Variants in SELENOO observed in about 807,000 individuals in gnomAD.
The protein encoded by SELENOO is protein adenylyltransferase SelO, mitochondrial.
A neutral mutation model predicts 58.7 loss-of-function variants in SELENOO; 74 were observed. The observed-to-expected ratio is 1.26, with a 90% CI of 1.04 to 1.53. The LOEUF is 1.53. Among genes scored for constraint, SELENOO ranks in the 40% most tolerant of loss-of-function variants. SELENOO has a pLI of 0.00. For missense variants in SELENOO, 1,149 were observed against 970.0 expected, an observed-to-expected ratio of 1.18 and a Z score of -2.45; for synonymous variants, 543 against 453.2, an observed-to-expected ratio of 1.20 and a Z score of -2.52.
At chr22:50,214,186 G>C (rs1226083771) in intron 5 of SELENOO, among the ~76,000 whole-genome samples, 6 of 152,154 alleles carry the variant, frequency 3.9e-5, no homozygotes, top group African/African-American at 1.4e-4. Context: ...TTGTTGCCCA[G>C]GCTGGAGTGC....
At chr22:50,207,959 C>T (rs2064343232) in intron 2 of SELENOO, among the ~76,000 whole-genome samples, 1 of 148,774 alleles carries the variant, frequency 6.7e-6, no homozygotes, top group Non-Finnish European at 1.5e-5. Context: ...GTGGTTTCTA[C>T]ACCCATGGGC....
In SELENOO at chr22:50,201,518, G is replaced by A; in HGVS notation, c.482G>A (p.Gly161Asp). ...GGCGACGGCGCCGCCATGTACCTGG[G>A]CGAGGTGTGCACGGCGACCGGCGAG... ...QLGDGAAMYL[G>D]EVCTATGERW... is the part of the protein sequence containing the mutation. Residue 161 changes from glycine to aspartate, a missense_variant, in exon 1 of 9, where the codon GGC (glycine) becomes GAC (aspartate). By Grantham distance (94) the Gly-to-Asp change is moderately conservative (BLOSUM62 -1). Coordinates refer to ENST00000380903, the MANE Select transcript of SELENOO (RefSeq NM_031454.2). The A allele has an allele frequency of 7.0e-7, 1 of 1,426,680 alleles. No homozygotes were observed. The highest frequency in any genetic ancestry group is 1.4e-5 in the South Asian group (1 of 73,236). 88.4% of individuals were successfully genotyped at this position (1,426,680 alleles called of 1,614,324 possible). A position where few individuals can be genotyped will look rare whatever the true frequency, so the allele number is the denominator to read the frequency against.
chr22:50,210,551 G>C, intron 4 of SELENOO, 80 bp from the exon 5 acceptor site: 1 of 1,592,054 alleles, frequency 6.3e-7, no homozygotes, highest in South Asian at 1.1e-5. Flanking sequence ...CTTCCCCTGG[G>C]CCTCCCCTCC....
At chr22:50,213,874 G>A (rs1003120498) in intron 5 of SELENOO, among the ~76,000 whole-genome samples, 14 of 151,804 alleles carry the variant, frequency 9.2e-5, no homozygotes, top group East Asian at 3.9e-4. Context: ...GGTCTTGATC[G>A]CCTGACCTCG....
intron 2 of SELENOO, among the ~76,000 whole-genome samples, chr22:50,207,673 T>TG (rs1056594676): frequency 6.0e-5 from 9 of 150,128 alleles, no homozygotes; most frequent in East Asian, 4.0e-4. Context: ...CCACCCTGTG[T>TG]GCACACAGCA....
chr22:50,201,432 C>T lies in SELENOO; in HGVS notation c.396C>T (p.Gly132=). ...TCAGCGGCAACGCGCTCCTGCCGGGCGCCGAGCCCGCCGCGCACTGCTACT... is the reference window on the plus strand; with the variant it reads ...TCAGCGGCAACGCGCTCCTGCCGGGTGCCGAGCCCGCCGCGCACTGCTACT... ...LFFSGNALLP[G]AEPAAHCYCG... Residue 132 remains glycine (G), a synonymous_variant, in exon 1 of 9, where the codon GGC becomes GGT. Transcript: ENST00000380903. The T allele has an allele frequency of 2.2e-6, 3 of 1,375,098 alleles. No individual in the cohort carries two copies. Among genetic ancestry groups the T allele is most frequent in the South Asian group, 1.5e-5 (1 of 65,628 alleles). 85.2% of individuals were successfully genotyped at this position (1,375,098 alleles called of 1,614,324 possible). A position where few individuals can be genotyped will look rare whatever the true frequency, so the allele number is the denominator to read the frequency against.
chr22:50,210,540 C>G, intron 4 of SELENOO, 91 bp from the exon 5 acceptor site: 8 of 1,575,538 alleles, frequency 5.1e-6, no homozygotes, highest in Non-Finnish European at 6.9e-6. Flanking sequence ...CCACTTGGGA[C>G]CTTCCCCTGG....
At chr22:50,211,046 A>G (rs1432752123) in intron 5 of SELENOO, 135 bp downstream of exon 5, 1 of 875,126 alleles carries the variant, frequency 1.1e-6, no homozygotes, top group East Asian at 2.5e-5. Context: ...CCCCCATTCT[A>G]CTCTCTGTCT....
rs199904167 is a variant in SELENOO, at chr22:50,206,378, A to G, written c.616A>G (p.Met206Val). 5 of 1,614,094 alleles carry G rather than the reference A, an allele frequency of 3.1e-6. No homozygotes were observed. Among genetic ancestry groups the G allele is most frequent in the South Asian group, 1.1e-5 (1 of 91,084 alleles). ...CCGGGAGTTTCTATGCAGCGAAGCC[A>G]TGTTCCACCTGGGAGTCCCCACCAC... ...SIREFLCSEA[M>V]FHLGVPTTRA... Residue 206 changes from methionine (M) to valine (V), a missense_variant, in exon 2 of 9, where the codon ATG (methionine) becomes GTG (valine). Transcript: ENST00000380903.
rs779213511 is a variant in SELENOO at position 50,206,539 on chromosome 22, C to G, written c.758+19C>G. 3.1e-6 allele frequency: 5 copies of G among 1,601,634 alleles called. No individual in the cohort carries two copies. In the African/African-American group the frequency reaches 5.4e-5, roughly 17 times the overall value. On this transcript the variant is annotated intron_variant, in intron 2 of 8. Coordinates refer to ENST00000380903, the MANE Select transcript of SELENOO (RefSeq NM_031454.2). The stretch of plus-strand genomic sequence containing the variant: ...TCATAAGGTAATGCCGGGGGCCTTT[C>G]GGCCTGTCTACACGCACTTGCTTAG...
intron 1 of SELENOO, among the ~76,000 whole-genome samples, chr22:50,205,165 A>G (rs141381968): frequency 0.014 from 2,135 of 147,366 alleles, 212 homozygotes; most frequent in African/African-American, 0.055. Flanking sequence ...GAGTAGAGGA[A>G]TCGGGAGCCA....
chr22:50,213,733 C>T (rs1317582920), intron 5 of SELENOO, among the ~76,000 whole-genome samples: 1 of 152,082 alleles, frequency 6.6e-6, no homozygotes, highest in Non-Finnish European at 1.5e-5. Flanking sequence ...CTGCAAGCTC[C>T]ACCTCCCAGG....
intron 5 of SELENOO, among the ~76,000 whole-genome samples, chr22:50,211,846 G>A (rs180743974): frequency 6.6e-6 from 1 of 152,302 alleles, no homozygotes; most frequent in African/African-American, 2.4e-5. Context: ...TGGGATTACA[G>A]GCACCCGCCA....
At chr22:50,210,041 A>C in intron 3 of SELENOO, 140 bp from the exon 4 acceptor site, 3 of 961,704 alleles carry the variant, frequency 3.1e-6, no homozygotes, top group Non-Finnish European at 4.6e-6. Context: ...GTGACAGGAC[A>C]TCAGGAAGAT....
intron 3 of SELENOO, 173 bp downstream of exon 3, chr22:50,208,889 C>A: frequency 5.1e-6 from 3 of 590,758 alleles, no homozygotes; most frequent in Non-Finnish European, 8.6e-6. Context: ...GGCCCTGGGA[C>A]AAACCTGAAA....
Position 50,217,058 on chromosome 22 carries a change from C to T in SELENOO, c.1775C>T (p.Pro592Leu), listed in dbSNP as rs181226117. Residue 592 changes from proline (P) to leucine (L), a missense_variant, in exon 8 of 9, where the codon CCG (proline) becomes CTG (leucine). Transcript: ENST00000380903. ...EHVRVMHANN[P>L]KYVLRNYIAQ... ...GTGCGCGTGATGCACGCCAACAACC[C>T]GAAGTACGTGCTGAGGAACTACATC... 3.4e-5 allele frequency: 55 copies of T among 1,612,784 alleles called. No homozygotes were observed. The highest frequency in any genetic ancestry group is 1.6e-4 in the South Asian group (15 of 91,090).
At chr22:50,210,572 C>T (rs2064362257) in intron 4 of SELENOO, 59 bp from the exon 5 acceptor site, 7 of 1,608,004 alleles carry the variant, frequency 4.4e-6, no homozygotes, top group Non-Finnish European at 2.5e-6. Flanking sequence ...AGGGTGGCTG[C>T]ACCATCTCCC....
At chr22:50,210,354 G>A (rs771083904) in intron 4 of SELENOO, 43 bp downstream of exon 4, 3 of 1,594,102 alleles carry the variant, frequency 1.9e-6, no homozygotes, top group Non-Finnish European at 1.7e-6. Context: ...CCCCAGGGCT[G>A]GGGGGTGCGG....
At chr22:50,212,876 T>C (rs1446878816) in intron 5 of SELENOO, among the ~76,000 whole-genome samples, 1 of 152,156 alleles carries the variant, frequency 6.6e-6, no homozygotes, top group African/African-American at 2.4e-5. Flanking sequence ...TTCGTGTAAG[T>C]GGAGTTACGC....
Sources: allele counts gnomAD v4.1 joint callset (sites outside exome capture counted in the v4.1 genomes callset), GRCh38; gene constraint gnomAD v4.1.1; transcripts MANE v1.5; gene names NCBI Gene and HGNC (gene_info 2026-07-23, HGNC 2026-07-21).